CTNNA2: variants seen among roughly 807,000 people sequenced by gnomAD.
CTNNA2 encodes catenin alpha 2.
CTNNA2 carries 42 observed loss-of-function variants against 101.0 expected under a neutral mutation model. The observed-to-expected ratio is 0.42, with a 90% CI of 0.32 to 0.54. The LOEUF (loss-of-function observed/expected upper bound fraction) is 0.54, where lower values mean the gene tolerates loss of function less well. Ranked by LOEUF, CTNNA2 falls within the 20% of genes least tolerant of loss-of-function variation. CTNNA2 has a pLI of 0.14. For missense variants in CTNNA2, 871 were observed against 1,223.1 expected (o/e 0.71, Z 4.29); for synonymous variants, 450 against 456.4 (o/e 0.99, Z 0.18).
chr2:79,846,873 A>G (rs1216817942), intron 3 of CTNNA2, among the ~76,000 whole-genome samples: 2 of 152,356 alleles, frequency 1.3e-5, no homozygotes, highest in East Asian at 1.9e-4. Context: ...AATTGTTTTT[A>G]TAACAAGCTA....
chr2:79,634,343 C>G (rs190877736), intron 1 of CTNNA2, among the ~76,000 whole-genome samples: 15 of 152,222 alleles, frequency 9.9e-5, no homozygotes, highest in African/African-American at 3.4e-4. Flanking sequence ...GAACAAATAC[C>G]TTTAGATGCA....
intron 7 of CTNNA2, among the ~76,000 whole-genome samples, chr2:79,987,012 C>T (rs1340240196): frequency 6.6e-6 from 1 of 152,116 alleles, no homozygotes; most frequent in Admixed American, 6.5e-5. Context: ...GTTGATTGGG[C>T]CTGTGGATGC....
intron 2 of CTNNA2, among the ~76,000 whole-genome samples, chr2:79,300,210 C>A (rs149025626): frequency 4.3e-4 from 65 of 152,288 alleles, no homozygotes; most frequent in African/African-American, 1.5e-3. Context: ...CAAACCCCGG[C>A]AACCAGTGAT....
At chr2:79,508,695 G>A (rs1169330351), upstream of CTNNA2, among the ~76,000 whole-genome samples, 2 of 151,848 alleles carry the variant, frequency 1.3e-5, no homozygotes, top group African/African-American at 4.8e-5. Context: ...GCTAAAACAT[G>A]TCAAGTATTA....
intron 13 of CTNNA2, among the ~76,000 whole-genome samples, chr2:80,575,997 C>T (rs537128400): frequency 6.6e-6 from 1 of 152,216 alleles, no homozygotes; most frequent in African/African-American, 2.4e-5. Flanking sequence ...TAAATAATTT[C>T]TTGGTTTTCT....
At chr2:79,275,842 T>A (rs1675198039) in intron 2 of CTNNA2, among the ~76,000 whole-genome samples, 1 of 151,880 alleles carries the variant, frequency 6.6e-6, no homozygotes, top group Non-Finnish European at 1.5e-5. Flanking sequence ...CTCAGATAAT[T>A]TATATTCAGA....
chr2:80,386,100 C>T (rs933479698), intron 7 of CTNNA2, among the ~76,000 whole-genome samples: 1 of 152,158 alleles, frequency 6.6e-6, no homozygotes, highest in African/African-American at 2.4e-5. Flanking sequence ...GCCTGGTAGT[C>T]TCACCAATAT....
chr2:79,432,104 A>G (rs1308991490), intron 4 of CTNNA2, among the ~76,000 whole-genome samples: 1 of 152,182 alleles, frequency 6.6e-6, no homozygotes, highest in African/African-American at 2.4e-5. Context: ...AGCAGCCTCA[A>G]ACTTCTCATA....
At chr2:80,357,152 C>T (rs559604415) in intron 7 of CTNNA2, among the ~76,000 whole-genome samples, 1 of 151,886 alleles carries the variant, frequency 6.6e-6, no homozygotes, top group African/African-American at 2.4e-5. Context: ...TTTAATGAGT[C>T]CATGGTACCT....
At chr2:79,768,214 G>A (rs1481700408) in intron 3 of CTNNA2, among the ~76,000 whole-genome samples, 1 of 151,696 alleles carries the variant, frequency 6.6e-6, no homozygotes, top group Non-Finnish European at 1.5e-5. Flanking sequence ...TTGCTGAGCT[G>A]TCCCTTTCCC....
At chr2:79,319,452 C>CT (rs1676567506) in intron 3 of CTNNA2, among the ~76,000 whole-genome samples, 1 of 152,016 alleles carries the variant, frequency 6.6e-6, no homozygotes, top group Non-Finnish European at 1.5e-5. Flanking sequence ...ATTCTGAAGA[C>CT]CTTAGGACTC....
chr2:79,955,679 T>A (rs1485964071), intron 7 of CTNNA2, among the ~76,000 whole-genome samples: 5 of 147,964 alleles, frequency 3.4e-5, no homozygotes, highest in African/African-American at 1.2e-4. Flanking sequence ...GCCCAGCTAA[T>A]TTTTTTTTGA....
At chr2:80,151,170 A>G (rs972395421) in intron 7 of CTNNA2, among the ~76,000 whole-genome samples, 2 of 152,174 alleles carry the variant, frequency 1.3e-5, no homozygotes, top group Non-Finnish European at 2.9e-5. Context: ...TCAGAAGCCT[A>G]TGTTTCCTTC....
intron 4 of CTNNA2, among the ~76,000 whole-genome samples, chr2:79,442,594 A>G (rs903403185): frequency 1.3e-5 from 2 of 152,186 alleles, no homozygotes; most frequent in African/African-American, 4.8e-5. Flanking sequence ...TATTATTATC[A>G]CATGCCTTGA....
At chr2:79,198,388 T>C (rs1301926676) in intron 2 of CTNNA2, among the ~76,000 whole-genome samples, 1 of 152,172 alleles carries the variant, frequency 6.6e-6, no homozygotes, top group African/African-American at 2.4e-5. Flanking sequence ...CAACATGAAG[T>C]TGTATTTTCT....
intron 6 of CTNNA2, among the ~76,000 whole-genome samples, chr2:79,904,351 T>TTA (rs1350445407): frequency 6.6e-6 from 1 of 152,186 alleles, no homozygotes; most frequent in East Asian, 1.9e-4. Flanking sequence ...GAATGAATGA[T>TTA]TATACTCTCA....
At chr2:80,469,996 C>T (rs1430430818) in intron 9 of CTNNA2, among the ~76,000 whole-genome samples, 1 of 152,110 alleles carries the variant, frequency 6.6e-6, no homozygotes, top group Non-Finnish European at 1.5e-5. Context: ...AAGGGTGGCT[C>T]CTCTACTGAG....
intron 14 of CTNNA2, among the ~76,000 whole-genome samples, chr2:80,584,434 C>T (rs766067273): frequency 4.0e-4 from 9 of 22,740 alleles, no homozygotes; most frequent in Admixed American, 2.6e-3. Context: ...AGATAGGGGG[C>T]GGGGGGCGGT....
chr2:80,428,452 C>T (rs936709465), intron 9 of CTNNA2, among the ~76,000 whole-genome samples: 3 of 152,136 alleles, frequency 2.0e-5, no homozygotes, highest in Non-Finnish European at 4.4e-5. Context: ...TGGGAAGATG[C>T]GGCTCAATTT....
Sources: allele counts gnomAD v4.1 joint callset (sites outside exome capture counted in the v4.1 genomes callset), GRCh38; gene constraint gnomAD v4.1.1; transcripts MANE v1.5; gene names NCBI Gene and HGNC (gene_info 2026-07-23, HGNC 2026-07-21).